Variants in KIRREL3 observed in about 807,000 individuals in gnomAD.
KIRREL3 encodes the protein kin of IRRE-like protein 3.
In KIRREL3, 36 loss-of-function variants were observed where a neutral mutation model predicts 89.7. The observed-to-expected ratio is 0.40, with a 90% CI of 0.31 to 0.53. The LOEUF is 0.53. Among genes scored for constraint, KIRREL3 ranks in the 20% least tolerant of loss-of-function variants. KIRREL3 has a pLI of 0.49. For synonymous variants in KIRREL3, 445 were observed against 441.4 expected, an observed-to-expected ratio of 1.01 and a Z score of -0.10; for missense variants, 864 against 1,056.6, an observed-to-expected ratio of 0.82 and a Z score of 2.53.
chr11:126,837,544 A>G lies in KIRREL3; in HGVS notation c.55+162911T>C, dbSNP rs981855037. Among the ~76,000 whole-genome samples, 2 of 152,206 alleles carry G rather than the reference A, an allele frequency of 1.3e-5. No homozygotes were observed. Among genetic ancestry groups the G allele is most frequent in the African/African-American group, 4.8e-5 (2 of 41,462 alleles). ...TTGTCTAGGACACAGGTCCAGATTTAAAAGAACTCCTCTTCCCACCTCTTC... is the reference window on the plus strand; with the variant it reads ...TTGTCTAGGACACAGGTCCAGATTTGAAAGAACTCCTCTTCCCACCTCTTC... On this transcript the variant is annotated intron_variant, in intron 1 of 16. Coordinates refer to ENST00000525144, the MANE Select transcript of KIRREL3 (RefSeq NM_032531.4). This position sits in a 1 kb window ranked among gnomAD's most constrained non-coding sequence, Gnocchi z 4.7.
Position 126,653,004 on chromosome 11 carries a change from A to G in KIRREL3, c.56-90092T>C, listed in dbSNP as rs1319467149. 6.6e-6 allele frequency: 1 copy of G among 151,596 alleles called. No individual in the cohort carries two copies. The highest frequency in any genetic ancestry group is 1.5e-5 in the Non-Finnish European group (1 of 67,984). 9.4% of individuals were successfully genotyped at this position (151,596 alleles called of 1,614,324 possible). A position where few individuals can be genotyped will look rare whatever the true frequency, so the allele number is the denominator to read the frequency against. On this transcript the variant is annotated intron_variant, in intron 1 of 16. Coordinates refer to ENST00000525144, the MANE Select transcript of KIRREL3 (RefSeq NM_032531.4). This position sits in a 1 kb window ranked among gnomAD's most constrained non-coding sequence, Gnocchi z 5.4. ...GCATTCAGCAGCCAGTATTTGTTAAATGTCTCCTACACTCTTAATTGGGTT... is the reference window on the plus strand; with the variant it reads ...GCATTCAGCAGCCAGTATTTGTTAAGTGTCTCCTACACTCTTAATTGGGTT...
intron 1 of KIRREL3, among the ~76,000 whole-genome samples, chr11:126,950,199 C>T (rs1948737912): frequency 6.6e-6 from 1 of 152,086 alleles, no homozygotes; most frequent in South Asian, 2.1e-4. Flanking sequence ...TGGTGAAACT[C>T]TATCTCTACT....
At chr11:126,865,086 C>G (rs552002778) in intron 1 of KIRREL3, among the ~76,000 whole-genome samples, 1 of 152,180 alleles carries the variant, frequency 6.6e-6, no homozygotes, top group Non-Finnish European at 1.5e-5. Flanking sequence ...GGAATCAAGG[C>G]GCCTCCAGCT....
At chr11:126,678,302 G>A (rs868537419) in intron 1 of KIRREL3, among the ~76,000 whole-genome samples, 5 of 151,358 alleles carry the variant, frequency 3.3e-5, no homozygotes, top group South Asian at 4.2e-4. Context: ...GTTGAAGGCC[G>A]AGATAAGAAG....
chr11:126,616,561 C>T (rs1943361295), intron 1 of KIRREL3, among the ~76,000 whole-genome samples: 3 of 152,208 alleles, frequency 2.0e-5, no homozygotes, highest in Admixed American at 2.0e-4. Flanking sequence ...TACATCATCC[C>T]ATTTGTTTCT....
At chr11:126,774,753 A>G (rs540214426) in intron 1 of KIRREL3, among the ~76,000 whole-genome samples, 2 of 152,302 alleles carry the variant, frequency 1.3e-5, no homozygotes, top group South Asian at 4.1e-4. Flanking sequence ...TCTCCAGGGC[A>G]GGGCTCTCTT....
At position 126,892,571 on chromosome 11, in the gene KIRREL3, G is replaced by T. The variant is rs773626412; in HGVS notation, c.55+107884C>A. On this transcript the variant is annotated intron_variant, in intron 1 of 16. Transcript: ENST00000525144. This position sits in a 1 kb window ranked among gnomAD's most constrained non-coding sequence, Gnocchi z 5.4. ...TTACAAATGCTGAGCACAGCTAGAA[G>T]TAAGGCCTGGCTCTGTGCACGTGTG... Among the ~76,000 whole-genome samples, 1 of 152,194 alleles carries T rather than the reference G, an allele frequency of 6.6e-6. No homozygotes were observed. The highest frequency in any genetic ancestry group is 1.5e-5 in the Non-Finnish European group (1 of 68,034).
In KIRREL3 at chr11:126,977,606, G is replaced by T. The variant is rs1242116337; in HGVS notation, c.55+22849C>A. On this transcript the variant is annotated intron_variant, in intron 1 of 16. Transcript: ENST00000525144. The surrounding 1 kb of genome is among the most constrained non-coding windows in gnomAD (Gnocchi z 4.7). ...ACTATGCACCTGTCTATTTCATCAG[G>T]TTTATACCTTGTTGGCACAATGCCT... is the stretch of plus-strand genomic sequence containing the variant. 6.6e-6 allele frequency among the ~76,000 whole-genome samples: 1 copy of T among 152,126 alleles called. No individual in the cohort carries two copies. Among genetic ancestry groups the T allele is most frequent in the African/African-American group, 2.4e-5 (1 of 41,410 alleles).
chr11:126,800,265 A>T (rs73022595), intron 1 of KIRREL3, among the ~76,000 whole-genome samples: 21,025 of 152,264 alleles, frequency 0.14, 1,639 homozygotes, highest in South Asian at 0.19. Flanking sequence ...TGGACTTGGT[A>T]TCCCAGGGCC....
At chr11:126,472,729 A>AGAGAGAGAGG (rs1297311492) in intron 5 of KIRREL3, among the ~76,000 whole-genome samples, 1 of 151,680 alleles carries the variant, frequency 6.6e-6, no homozygotes. Flanking sequence ...AGAGAGAGAG[A>AGAGAGAGAGG]GAGCACAAGT....
At chr11:126,792,625 T>C (rs1035846272) in intron 1 of KIRREL3, among the ~76,000 whole-genome samples, 2 of 152,168 alleles carry the variant, frequency 1.3e-5, no homozygotes, top group African/African-American at 4.8e-5. Flanking sequence ...AGAGCCCAGA[T>C]TGGATACAAC....
Position 126,876,040 on chromosome 11 carries a change from G to A in KIRREL3, c.55+124415C>T, listed in dbSNP as rs532406706. On this transcript the variant is annotated intron_variant, in intron 1 of 16. Coordinates refer to ENST00000525144, the MANE Select transcript of KIRREL3 (RefSeq NM_032531.4). The surrounding 1 kb of genome is among the most constrained non-coding windows in gnomAD (Gnocchi z 4.1). ...TGCAGCATGGCACTGCTTGGCTTTG[G>A]TGATGGGAGGGGCACAGGAGGGGTA... 2.0e-5 allele frequency among the ~76,000 whole-genome samples: 3 copies of A among 152,262 alleles called. No homozygotes were observed. The South Asian group carries it at 6.2e-4, about 32-fold the overall frequency.
intron 1 of KIRREL3, among the ~76,000 whole-genome samples, chr11:126,893,823 G>A (rs1468570383): frequency 2.0e-5 from 3 of 152,202 alleles, no homozygotes; most frequent in African/African-American, 7.2e-5. Context: ...CTTGCTGCTA[G>A]CATATTCTGG....
Position 126,427,056 on chromosome 11 carries a change from C to G in KIRREL3, c.1807-1332G>C, listed in dbSNP as rs781261639. 2.0e-5 allele frequency among the ~76,000 whole-genome samples: 3 copies of G among 152,190 alleles called. No individual in the cohort carries two copies. Among genetic ancestry groups the G allele is most frequent in the Non-Finnish European group, 1.5e-5 (1 of 68,044 alleles). ...CACCTGACACTGAGCTGCCCCCACT[C>G]TTGCCTGTGGATTTGGACTAAGGGA... On this transcript the variant is annotated intron_variant, in intron 15 of 16. Transcript: ENST00000525144. This position sits in a 1 kb window ranked among gnomAD's most constrained non-coding sequence, Gnocchi z 5.3.
At chr11:126,648,069 G>C (rs1944761667) in intron 1 of KIRREL3, among the ~76,000 whole-genome samples, 1 of 152,018 alleles carries the variant, frequency 6.6e-6, no homozygotes, top group South Asian at 2.1e-4. Flanking sequence ...TTCTTGTGAT[G>C]GTGAGTTCTC....
At chr11:126,681,745 C>T in intron 1 of KIRREL3, 1 of 361,666 alleles carries the variant, frequency 2.8e-6, no homozygotes, top group Non-Finnish European at 5.5e-6. Context: ...TTGAATTTCT[C>T]TTAGTGTTAA....
At chr11:126,820,357 C>A (rs1943167597) in intron 1 of KIRREL3, among the ~76,000 whole-genome samples, 1 of 152,090 alleles carries the variant, frequency 6.6e-6, no homozygotes, top group Non-Finnish European at 1.5e-5. Flanking sequence ...GCAAGCCAAC[C>A]TTTTCCTGCA....
intron 1 of KIRREL3, among the ~76,000 whole-genome samples, chr11:126,922,113 A>ATCTGTCTG (rs1555089441): frequency 0.04 from 5,613 of 141,252 alleles, 190 homozygotes; most frequent in East Asian, 0.11. Flanking sequence ...CGATCTATCT[A>ATCTGTCTG]TCTGTCTGTC....
At chr11:126,584,348 C>T (rs189398451) in intron 1 of KIRREL3, among the ~76,000 whole-genome samples, 25 of 152,198 alleles carry the variant, frequency 1.6e-4, no homozygotes, top group African/African-American at 5.1e-4. Context: ...CATTGCCTGG[C>T]GAGCGCCTGT....
Sources: gnomAD v4.1 joint callset for allele counts (sites outside exome capture counted in the v4.1 genomes callset) on GRCh38, gnomAD v4.1.1 for gene constraint, Gnocchi (gnomAD v3.1) non-coding constraint, MANE v1.5 for transcripts, NCBI Gene and HGNC (gene_info 2026-07-23, HGNC 2026-07-21) for gene names.